The following TRIM36 variants were observed in gnomAD, a reference collection of about 807,000 sequenced individuals.
The protein encoded by TRIM36 is tripartite motif containing 36, also known as E3 ubiquitin-protein ligase TRIM36.
TRIM36 carries 42 observed loss-of-function variants against 72.4 expected under a neutral mutation model. The observed-to-expected ratio is 0.58, with a 90% CI of 0.45 to 0.75. The LOEUF is 0.75. Among genes scored for constraint, TRIM36 ranks in the 30% least tolerant of loss-of-function variants. The probability of loss-of-function intolerance (pLI) is 0.00; values close to 1 mark genes in which losing one functional copy is unlikely to be tolerated. For synonymous variants in TRIM36, 315 were observed against 282.8 expected, an observed-to-expected ratio of 1.11 and a Z score of -1.14; for missense variants, 913 against 857.1, an observed-to-expected ratio of 1.07 and a Z score of -0.81.
intron 2 of TRIM36, among the ~76,000 whole-genome samples, chr5:115,151,617 A>G (rs1199327114): frequency 3.9e-5 from 6 of 152,192 alleles, no homozygotes; most frequent in Non-Finnish European, 8.8e-5. Flanking sequence ...AAGAAGCCTC[A>G]AAGAGTCCAT....
At chr5:115,169,532 C>T in intron 1 of TRIM36, 76 bp downstream of exon 1, 1 of 1,450,458 alleles carries the variant, frequency 6.9e-7, no homozygotes, top group Non-Finnish European at 9.2e-7. Flanking sequence ...CTCCGGGCTC[C>T]CGGCGGAGGA....
At chr5:115,133,741 T>C (rs546816173) in intron 8 of TRIM36, 119 bp downstream of exon 8, 1 of 1,004,864 alleles carries the variant, frequency 1.0e-6, no homozygotes, top group Non-Finnish European at 1.4e-6. Flanking sequence ...TTTTCTGGAG[T>C]CTTTTAAAAA....
At chr5:115,135,850 A>G (rs1752937888) in intron 7 of TRIM36, among the ~76,000 whole-genome samples, 1 of 152,238 alleles carries the variant, frequency 6.6e-6, no homozygotes, top group Non-Finnish European at 1.5e-5. Context: ...AAAGGAGGTC[A>G]CAGTAATCCT....
chr5:115,167,835 T>C (rs1754873146), intron 1 of TRIM36, among the ~76,000 whole-genome samples: 1 of 152,190 alleles, frequency 6.6e-6, no homozygotes, highest in Non-Finnish European at 1.5e-5. Context: ...TGTTAGTCCC[T>C]TTTCACAGTG....
intron 2 of TRIM36, among the ~76,000 whole-genome samples, chr5:115,153,292 A>G (rs550172700): frequency 1.3e-5 from 2 of 152,334 alleles, no homozygotes; most frequent in Admixed American, 1.3e-4. Flanking sequence ...AAGACAAAGA[A>G]GGACATTAAA....
At chr5:115,158,642 T>C (rs534540089) in intron 2 of TRIM36, among the ~76,000 whole-genome samples, 5 of 152,250 alleles carry the variant, frequency 3.3e-5, no homozygotes, top group Non-Finnish European at 7.3e-5. Flanking sequence ...ATGCTTCTTT[T>C]GGTACATTCT....
chr5:115,145,957 T>A lies in TRIM36; in HGVS notation c.588+1112A>T, dbSNP rs530869640. ...TACCATTTTGGACACCGTTTTAGAATTTTACTATATTGAGTAGCACTAACT... is the reference window on the plus strand; with the variant it reads ...TACCATTTTGGACACCGTTTTAGAAATTTACTATATTGAGTAGCACTAACT... On this transcript the variant is annotated intron_variant, in intron 3 of 9. Transcript: ENST00000513154. Among the ~76,000 whole-genome samples, 79 of 152,316 alleles carry A rather than the reference T, an allele frequency of 5.2e-4. 1 individual carries two copies. In the South Asian group the frequency reaches 0.016, roughly 30 times the overall value.
intron 4 of TRIM36, among the ~76,000 whole-genome samples, chr5:115,144,149 C>G (rs1440625389): frequency 2.6e-5 from 4 of 152,106 alleles, no homozygotes; most frequent in Non-Finnish European, 4.4e-5. Flanking sequence ...GCTGGGATTA[C>G]AGGTGTGAGC....
chr5:115,172,701 A>G (rs1050881883), upstream of TRIM36, among the ~76,000 whole-genome samples: 1 of 151,552 alleles, frequency 6.6e-6, no homozygotes, highest in Non-Finnish European at 1.5e-5. Flanking sequence ...GTGCCACTGC[A>G]CTCCAGCCTT....
chr5:115,140,869 A>G (rs1010726142), intron 5 of TRIM36, among the ~76,000 whole-genome samples: 3 of 152,178 alleles, frequency 2.0e-5, no homozygotes, highest in Admixed American at 1.3e-4. Flanking sequence ...TAGGGTATAC[A>G]CTCAGGAATA....
At chr5:115,173,146 T>G (rs559158758), upstream of TRIM36, among the ~76,000 whole-genome samples, 264 of 152,296 alleles carry the variant, frequency 1.7e-3, 1 homozygote, top group African/African-American at 5.9e-3. Flanking sequence ...CATCGAAATA[T>G]CCCAGCCTCC....
At position 115,160,024 on chromosome 5, in the gene TRIM36, GA is replaced by G. The variant is rs577868452; in HGVS notation, c.262+3493del. Among the ~76,000 whole-genome samples the G allele has an allele frequency of 4.0e-3, 527 of 130,934 alleles. 2 individuals are homozygous for G. Among genetic ancestry groups the G allele is most frequent in the Middle Eastern group, 0.013 (3 of 236 alleles). 85.9% of individuals were successfully genotyped at this position (130,934 alleles called of 152,430 possible). A position where few individuals can be genotyped will look rare whatever the true frequency, so the allele number is the denominator to read the frequency against. ...CTGACCTAATAACTGTTAAAAAAAA[GA>G]AAAAAAAAAAACTAAAATGAACATA... is the stretch of plus-strand genomic sequence containing the variant. On this transcript the variant is annotated intron_variant, in intron 2 of 9. Transcript: ENST00000513154.
At chr5:115,141,799 C>G (rs557244240) in intron 4 of TRIM36, among the ~76,000 whole-genome samples, 21 of 152,066 alleles carry the variant, frequency 1.4e-4, no homozygotes, top group Admixed American at 9.8e-4. Flanking sequence ...CACCTATACA[C>G]AATAGGAGTA....
intron 2 of TRIM36, among the ~76,000 whole-genome samples, chr5:115,160,716 T>C (rs1754438676): frequency 6.6e-6 from 1 of 152,108 alleles, no homozygotes; most frequent in South Asian, 2.1e-4. Context: ...GTGAGTAGCA[T>C]GCACCTCTAG....
At chr5:115,140,249 T>C (rs1753205953) in intron 5 of TRIM36, among the ~76,000 whole-genome samples, 1 of 152,212 alleles carries the variant, frequency 6.6e-6, no homozygotes, top group Admixed American at 6.5e-5. Context: ...TGGGATATTT[T>C]TATATTTAAT....
chr5:115,137,661 A>G (rs1225203834), intron 5 of TRIM36, 45 bp from the exon 6 acceptor site: 1 of 1,510,806 alleles, frequency 6.6e-7, no homozygotes, highest in Non-Finnish European at 8.8e-7. Flanking sequence ...AAAACAAAGA[A>G]TAGCCTCTTC....
At chr5:115,141,634 T>C (rs1190024535) in intron 4 of TRIM36, among the ~76,000 whole-genome samples, 1 of 152,222 alleles carries the variant, frequency 6.6e-6, no homozygotes, top group East Asian at 1.9e-4. Context: ...TCAAAACTTC[T>C]GAATATAAAA....
intron 1 of TRIM36, chr5:115,177,918 A>C: frequency 2.5e-6 from 4 of 1,595,678 alleles, no homozygotes; most frequent in Non-Finnish European, 3.4e-6. Context: ...GAAATCCAGT[A>C]AATGAAGCCA....
chr5:115,125,048 A>G lies in TRIM36; in HGVS notation c.*1455T>C, dbSNP rs1017579515. On this transcript the variant is annotated 3_prime_UTR_variant, in exon 10 of 10. Coordinates refer to ENST00000513154, the MANE Select transcript of TRIM36 (RefSeq NM_001300759.2). ...AGCCTGCTAAACACTGAAGTTCTCCATGATATTTGCTACTTGAGTTGAGGG... is the reference window on the plus strand; with the variant it reads ...AGCCTGCTAAACACTGAAGTTCTCCGTGATATTTGCTACTTGAGTTGAGGG... 7.2e-5 allele frequency: 11 copies of G among 152,564 alleles called. No homozygotes were observed. Among genetic ancestry groups the G allele is most frequent in the African/African-American group, 2.4e-4 (10 of 41,460 alleles). The allele number at this position is 152,564 out of a possible 1,614,324, so 9.5% of individuals were successfully genotyped here.
Sources: allele counts gnomAD v4.1 joint callset (sites outside exome capture counted in the v4.1 genomes callset), GRCh38; gene constraint gnomAD v4.1.1; transcripts MANE v1.5; gene names NCBI Gene and HGNC (gene_info 2026-07-23, HGNC 2026-07-21).